Variants in GPHN observed in about 807,000 individuals in gnomAD.
The protein encoded by GPHN is gephyrin.
Under a neutral mutation model 95.5 loss-of-function variants are expected in GPHN, and 17 were observed. The observed-to-expected ratio is 0.18, with a 90% confidence interval of 0.12 to 0.27. The LOEUF is 0.27. GPHN is among the 10% of genes least tolerant of loss of function. The pLI is 1.00. For missense variants in GPHN, 660 were observed against 978.1 expected (o/e 0.67, Z 4.34); for synonymous variants, 320 against 322.5 (o/e 0.99, Z 0.08).
At chr14:67,206,025 A>C in the GPHN span, among the ~76,000 whole-genome samples, 1 of 152,228 alleles carries the variant, frequency 6.6e-6, no homozygotes, top group South Asian at 2.1e-4. Context: ...CTCTACTAAA[A>C]ATACAAAAAT....
At chr14:67,224,259 CTTT>C in the GPHN span, among the ~76,000 whole-genome samples, 14 of 134,768 alleles carry the variant, frequency 1.0e-4, no homozygotes, top group African/African-American at 2.2e-4. Flanking sequence ...TCTCTCTTTT[CTTT>C]TTTTTTTTTT....
intron 1 of GPHN, among the ~76,000 whole-genome samples, chr14:66,650,959 T>C (rs1276124317): frequency 6.6e-6 from 1 of 152,176 alleles, no homozygotes; most frequent in African/African-American, 2.4e-5. Context: ...AACAGCATTT[T>C]ACAGGATGTG....
chr14:67,580,991 A>G, the GPHN span: 105 of 1,613,692 alleles, frequency 6.5e-5, no homozygotes, highest in Non-Finnish European at 8.9e-5. Flanking sequence ...TGCACCCCGG[A>G]AAGTCTGAGG....
At chr14:66,564,554 A>T (rs747900639) in intron 1 of GPHN, among the ~76,000 whole-genome samples, 92 of 152,198 alleles carry the variant, frequency 6.0e-4, no homozygotes, top group Admixed American at 1.6e-3. Context: ...CTAGCCAATG[A>T]TTGAAAGCAA....
At chr14:66,680,438 T>G (rs892422353) in intron 1 of GPHN, among the ~76,000 whole-genome samples, 1 of 152,244 alleles carries the variant, frequency 6.6e-6, no homozygotes, top group African/African-American at 2.4e-5. Flanking sequence ...TTCTCCCAAC[T>G]GCTGCCCCAA....
chr14:67,185,209 G>C (rs1025603241), downstream of GPHN, among the ~76,000 whole-genome samples: 8 of 152,146 alleles, frequency 5.3e-5, no homozygotes, highest in Non-Finnish European at 1.2e-4. Flanking sequence ...CGTGGGTTTT[G>C]AAAAAGAAAC....
At chr14:67,244,773 G>A in the GPHN span, among the ~76,000 whole-genome samples, 3 of 152,296 alleles carry the variant, frequency 2.0e-5, no homozygotes, top group East Asian at 5.8e-4. Flanking sequence ...CCTATCTGTG[G>A]TAGACAGAAT....
chr14:66,955,713 C>T (rs1019327976), intron 8 of GPHN, among the ~76,000 whole-genome samples: 16 of 152,038 alleles, frequency 1.1e-4, no homozygotes, highest in African/African-American at 3.6e-4. Flanking sequence ...CCTCCTCCCA[C>T]CCCACGACAG....
chr14:67,273,591 A>C, the GPHN span, among the ~76,000 whole-genome samples: 9 of 152,316 alleles, frequency 5.9e-5, no homozygotes, highest in South Asian at 1.7e-3. Flanking sequence ...ATATGTGTGC[A>C]TGTGTCTTTA....
At chr14:67,473,813 C>A in the GPHN span, 1 of 1,613,798 alleles carries the variant, frequency 6.2e-7, no homozygotes. This position sits in a 1 kb window ranked among gnomAD's most constrained non-coding sequence, Gnocchi z 6.5. Context: ...ACTTCCAGTT[C>A]AAGTTCACCA....
intron 3 of GPHN, among the ~76,000 whole-genome samples, chr14:66,777,346 A>C (rs1234078222): frequency 6.6e-6 from 1 of 152,144 alleles, no homozygotes; most frequent in African/African-American, 2.4e-5. Flanking sequence ...CTACCAACCA[A>C]AAAGAGTCCA....
chr14:67,397,278 T>C, the GPHN span, among the ~76,000 whole-genome samples: 22,957 of 152,078 alleles, frequency 0.15, 3,284 homozygotes, highest in East Asian at 0.43. Context: ...ACCCCTTACT[T>C]CTGGAACGCA....
chr14:67,609,802 G>C, the GPHN span, among the ~76,000 whole-genome samples: 2 of 152,210 alleles, frequency 1.3e-5, no homozygotes, highest in South Asian at 4.1e-4. Context: ...AGGGGAAGGG[G>C]GTGGGGATCC....
chr14:67,389,845 C>T, the GPHN span, among the ~76,000 whole-genome samples: 1 of 151,472 alleles, frequency 6.6e-6, no homozygotes, highest in African/African-American at 2.4e-5. Context: ...TTGAGGTAGC[C>T]AGAAAGGAAG....
At chr14:66,670,296 G>C (rs188468451) in intron 1 of GPHN, among the ~76,000 whole-genome samples, 1 of 152,122 alleles carries the variant, frequency 6.6e-6, no homozygotes, top group African/African-American at 2.4e-5. Flanking sequence ...GGTTGAAGAT[G>C]TTTGGAAGAT....
At chr14:67,477,679 C>A in the GPHN span, among the ~76,000 whole-genome samples, 1 of 152,180 alleles carries the variant, frequency 6.6e-6, no homozygotes, top group Non-Finnish European at 1.5e-5. Flanking sequence ...AATCCTAGCA[C>A]TTTGGGAGGC....
chr14:67,264,929 A>G, the GPHN span, among the ~76,000 whole-genome samples: 1 of 152,046 alleles, frequency 6.6e-6, no homozygotes, highest in Non-Finnish European at 1.5e-5. Context: ...ATTGTCAGGA[A>G]TCATATTTTT....
the GPHN span, chr14:67,392,945 C>A: frequency 9.3e-7 from 1 of 1,078,952 alleles, no homozygotes; most frequent in South Asian, 1.5e-5. Context: ...CTCTGGGCAG[C>A]CTCAGGGCTC....
At chr14:66,565,869 G>T (rs72724589) in intron 1 of GPHN, among the ~76,000 whole-genome samples, 8,902 of 152,056 alleles carry the variant, frequency 0.059, 356 homozygotes, top group Middle Eastern at 0.1. Context: ...AAATAGGTAA[G>T]TATGTACTGG....
Sources: allele counts gnomAD v4.1 joint callset (sites outside exome capture counted in the v4.1 genomes callset), GRCh38; gene constraint gnomAD v4.1.1; non-coding constraint Gnocchi (gnomAD v3.1); transcripts MANE v1.5; gene names NCBI Gene and HGNC (gene_info 2026-07-23, HGNC 2026-07-21).